Variants in NPAS2 observed in about 807,000 individuals in gnomAD.
NPAS2 encodes neuronal PAS domain protein 2, also known as neuronal PAS domain-containing protein 2.
Under a neutral mutation model 107.5 loss-of-function variants are expected in NPAS2, and 23 were observed. That is an observed-to-expected ratio of 0.21 (90% CI 0.15 to 0.30). The LOEUF is 0.30. Among genes scored for constraint, NPAS2 ranks in the 10% least tolerant of loss-of-function variants. NPAS2 has a pLI of 1.00. For missense variants in NPAS2, 756 were observed against 1,043.3 expected (o/e 0.72, Z 3.79); for synonymous variants, 403 against 417.5 (o/e 0.97, Z 0.42).
Position 100,995,653 on chromosome 2 carries a change from G to A in NPAS2, c.*71G>A, listed in dbSNP as rs1032506433. On this transcript the variant is annotated 3_prime_UTR_variant, in exon 21 of 21. Transcript: ENST00000335681. Reference sequence around the variant, plus strand: ...TGAGGGGGGTGGCCACAGGAGATGGGGAGAGGAGTCTGAACTAAACCCCTG... The same window carrying A: ...TGAGGGGGGTGGCCACAGGAGATGGAGAGAGGAGTCTGAACTAAACCCCTG... The A allele has an allele frequency of 6.4e-7, 1 of 1,559,478 alleles. No individual in the cohort carries two copies. Among genetic ancestry groups the A allele is most frequent in the African/African-American group, 1.4e-5 (1 of 73,712 alleles).
chr2:100,853,456 A>G (rs967455607), intron 1 of NPAS2, among the ~76,000 whole-genome samples: 3 of 152,188 alleles, frequency 2.0e-5, no homozygotes, highest in African/African-American at 7.2e-5. Context: ...AACATAGTAC[A>G]TATTTGCTGT....
chr2:100,825,404 A>G (rs1344815677), intron 1 of NPAS2, among the ~76,000 whole-genome samples: 1 of 152,230 alleles, frequency 6.6e-6, no homozygotes, highest in Admixed American at 6.5e-5. Context: ...ATGCATTGAA[A>G]TATTTTTATA....
At chr2:100,831,875 C>T (rs1200448824) in intron 1 of NPAS2, among the ~76,000 whole-genome samples, 1 of 152,128 alleles carries the variant, frequency 6.6e-6, no homozygotes, top group Non-Finnish European at 1.5e-5. Context: ...CTGCATTTTA[C>T]ATCTCCTTCC....
In NPAS2 at chr2:100,933,409, A is replaced by T. The variant is rs568221685; in HGVS notation, c.273+408A>T. Among the ~76,000 whole-genome samples, 80 of 152,314 alleles carry T rather than the reference A, an allele frequency of 5.3e-4. 1 individual carries two copies. The Middle Eastern group carries it at 0.01, about 19-fold the overall frequency. On this transcript the variant is annotated intron_variant, in intron 4 of 20. Transcript: ENST00000335681. The stretch of plus-strand genomic sequence containing the variant: ...TTATACATTTTTTCCCTTAGTAGAA[A>T]CACGTTTTGAAATTAAAAATTGTCT...
chr2:100,928,646 T>G (rs1683737978), intron 3 of NPAS2, among the ~76,000 whole-genome samples: 1 of 152,158 alleles, frequency 6.6e-6, no homozygotes, highest in Non-Finnish European at 1.5e-5. Flanking sequence ...TCTCTGTGAT[T>G]TCATATTCAA....
At chr2:100,822,279 G>C (rs1442260774) in intron 1 of NPAS2, among the ~76,000 whole-genome samples, 1 of 152,238 alleles carries the variant, frequency 6.6e-6, no homozygotes, top group Non-Finnish European at 1.5e-5. Flanking sequence ...TTAGTGGTCT[G>C]ATGAGAGAGT....
intron 1 of NPAS2, among the ~76,000 whole-genome samples, chr2:100,876,434 CG>C (rs1428005359): frequency 4.6e-5 from 7 of 152,222 alleles, no homozygotes; most frequent in Non-Finnish European, 1.0e-4. Context: ...GAACGTAGAA[CG>C]AGGTATCTGT....
intron 5 of NPAS2, among the ~76,000 whole-genome samples, chr2:100,940,652 A>C (rs575558042): frequency 2.6e-5 from 4 of 152,328 alleles, no homozygotes; most frequent in Admixed American, 2.0e-4. Flanking sequence ...TATGAAGTAC[A>C]TAGTTACCCA....
At chr2:100,920,244 CTG>C (rs1485306358) in intron 2 of NPAS2, among the ~76,000 whole-genome samples, 2 of 152,128 alleles carry the variant, frequency 1.3e-5, no homozygotes, top group African/African-American at 2.4e-5. Flanking sequence ...AGCAGGGTGA[CTG>C]TAGTTAATAA....
chr2:100,952,037 A>G (rs1675255078), intron 7 of NPAS2, among the ~76,000 whole-genome samples: 2 of 151,674 alleles, frequency 1.3e-5, no homozygotes, highest in Non-Finnish European at 2.9e-5. Flanking sequence ...CTGTAGTCCC[A>G]GCTACTAGGG....
chr2:100,962,636 C>T (rs966448631), intron 7 of NPAS2: 2 of 152,216 alleles, frequency 1.3e-5, no homozygotes, highest in Non-Finnish European at 2.9e-5. Flanking sequence ...GAACCCCACC[C>T]GTGGACGACT....
intron 5 of NPAS2, among the ~76,000 whole-genome samples, chr2:100,942,586 C>T (rs1366152647): frequency 6.6e-6 from 1 of 151,992 alleles, no homozygotes; most frequent in Non-Finnish European, 1.5e-5. Flanking sequence ...AACATATGTT[C>T]AGTATTAAAT....
intron 2 of NPAS2, among the ~76,000 whole-genome samples, chr2:100,917,800 T>C (rs1682981399): frequency 6.6e-6 from 1 of 152,136 alleles, no homozygotes; most frequent in Non-Finnish European, 1.5e-5. Context: ...GAAATTGAAT[T>C]TGTATTTGAA....
chr2:100,983,264 T>C (rs1355310912), intron 16 of NPAS2: 2 of 152,374 alleles, frequency 1.3e-5, no homozygotes, highest in Non-Finnish European at 2.9e-5. Context: ...GACCCTCCCC[T>C]GGCCACACAG....
intron 20 of NPAS2, 152 bp from the exon 21 acceptor site, chr2:100,995,247 GT>G: frequency 1.7e-6 from 1 of 595,692 alleles, no homozygotes; most frequent in Non-Finnish European, 2.8e-6. Flanking sequence ...ACACCCCCAG[GT>G]CTTGCCAGAG....
At position 100,968,447 on chromosome 2, in the gene NPAS2, G is replaced by A; in HGVS notation, c.1055+19G>A. 1.2e-6 allele frequency: 2 copies of A among 1,609,864 alleles called. No individual in the cohort carries two copies. Among genetic ancestry groups the A allele is most frequent in the Non-Finnish European group, 1.7e-6 (2 of 1,176,996 alleles). On this transcript the variant is annotated intron_variant, in intron 11 of 20. Coordinates refer to ENST00000335681, the MANE Select transcript of NPAS2 (RefSeq NM_002518.4). This position sits in a 1 kb window ranked among gnomAD's most constrained non-coding sequence, Gnocchi z 5.3. Reference sequence around the variant, plus strand: ...TGGTCAGGTACCGCGCACGGGCAGGGGTGCGGCTGCGTCCTTGTCGCACCT... The same window carrying A: ...TGGTCAGGTACCGCGCACGGGCAGGAGTGCGGCTGCGTCCTTGTCGCACCT...
At chr2:100,918,348 A>T (rs1422494641) in intron 2 of NPAS2, among the ~76,000 whole-genome samples, 1 of 152,210 alleles carries the variant, frequency 6.6e-6, no homozygotes, top group East Asian at 1.9e-4. Context: ...TTAGGCAAAG[A>T]GTTCCTAGAC....
chr2:100,961,490 G>A (rs997183816), intron 7 of NPAS2, among the ~76,000 whole-genome samples: 6 of 152,070 alleles, frequency 3.9e-5, no homozygotes, highest in East Asian at 1.9e-4. Context: ...AAGTTGCCCC[G>A]TTCTGGACAT....
chr2:100,960,960 A>G (rs946052504), intron 7 of NPAS2, among the ~76,000 whole-genome samples: 4 of 152,186 alleles, frequency 2.6e-5, no homozygotes, highest in African/African-American at 9.6e-5. Context: ...AGCTTTCGGC[A>G]AGAGTAAGGT....
Sources: gnomAD v4.1 joint callset for allele counts (sites outside exome capture counted in the v4.1 genomes callset) on GRCh38, gnomAD v4.1.1 for gene constraint, Gnocchi (gnomAD v3.1) non-coding constraint, MANE v1.5 for transcripts, NCBI Gene and HGNC (gene_info 2026-07-23, HGNC 2026-07-21) for gene names.